FGF13: variants seen among roughly 807,000 people sequenced by gnomAD.
FGF13 encodes fibroblast growth factor 13.
FGF13 carries 2 observed loss-of-function variants against 19.5 expected under a neutral mutation model. The observed-to-expected ratio is 0.10, with a 90% CI of 0.04 to 0.32. FGF13 has a LOEUF of 0.32. Among genes scored for constraint, FGF13 ranks in the 10% least tolerant of loss-of-function variants. The pLI is 1.00. For synonymous variants in FGF13, 72 were observed against 76.9 expected, an observed-to-expected ratio of 0.94 and a Z score of 0.33; for missense variants, 113 against 192.7, an observed-to-expected ratio of 0.59 and a Z score of 2.45.
At chrX:138,678,902 T>C (rs2089700195) in intron 3 of FGF13, among the ~76,000 whole-genome samples, 2 of 112,185 alleles carry the variant, frequency 1.8e-5, no homozygotes, top group Non-Finnish European at 1.9e-5. Flanking sequence ...TTTTAGATTC[T>C]ACAACTACAT....
upstream of FGF13, chrX:138,716,424 C>T (rs2090102178): frequency 9.0e-6 from 1 of 110,968 alleles, no homozygotes; most frequent in Non-Finnish European, 1.9e-5. Context: ...AGAATAGGCT[C>T]TTTTCAGCCA....
intron 1 of FGF13, chrX:138,990,657 T>C (rs1187712208): frequency 9.0e-6 from 1 of 110,776 alleles, no homozygotes; most frequent in African/African-American, 3.3e-5. Context: ...ACCCATTCAG[T>C]ATCACCAGAA....
chrX:138,978,716 G>A (rs949378812), intron 1 of FGF13, among the ~76,000 whole-genome samples: 1 of 111,890 alleles, frequency 8.9e-6, no homozygotes, highest in Admixed American at 9.4e-5. Context: ...ATTTTACAGA[G>A]GGGGAAACTG....
chrX:138,844,028 T>C (rs2091166129), intron 3 of FGF13, among the ~76,000 whole-genome samples: 1 of 112,355 alleles, frequency 8.9e-6, no homozygotes, highest in Non-Finnish European at 1.9e-5. Flanking sequence ...GTATTTGTTC[T>C]TTTTAAACAC....
chrX:138,733,328 A>C (rs1209337273), intron 1 of FGF13, among the ~76,000 whole-genome samples: 1 of 112,018 alleles, frequency 8.9e-6, no homozygotes, highest in Admixed American at 9.5e-5. Flanking sequence ...TTAAGCATCA[A>C]AATAATAGCT....
intron 1 of FGF13, among the ~76,000 whole-genome samples, chrX:139,081,531 C>T (rs939272280): frequency 1.8e-5 from 2 of 111,938 alleles, no homozygotes; most frequent in African/African-American, 6.5e-5. Context: ...TTCCCTTGTA[C>T]TCCAATCCTG....
chrX:138,964,630 C>G (rs964191548), intron 1 of FGF13, among the ~76,000 whole-genome samples: 8 of 111,764 alleles, frequency 7.2e-5, no homozygotes, highest in African/African-American at 2.6e-4. Context: ...CACAGTTCTG[C>G]AGCTGTACAA....
chrX:138,716,876 C>T (rs1241400824), intron 1 of FGF13, among the ~76,000 whole-genome samples: 1 of 111,984 alleles, frequency 8.9e-6, no homozygotes, highest in Non-Finnish European at 1.9e-5. Flanking sequence ...TTGCATCACA[C>T]TAGGATGGTG....
chrX:138,661,887 A>G (rs2089494025), intron 3 of FGF13, among the ~76,000 whole-genome samples: 1 of 111,632 alleles, frequency 9.0e-6, no homozygotes, highest in Non-Finnish European at 1.9e-5. Context: ...ACTAAGTACT[A>G]TTTCTTTGAA....
chrX:139,165,254 A>T (rs769750596), intron 1 of FGF13, among the ~76,000 whole-genome samples: 1 of 112,532 alleles, frequency 8.9e-6, no homozygotes, highest in South Asian at 3.7e-4. Flanking sequence ...GAAATATCTA[A>T]GAAGCATAGC....
chrX:138,804,784 G>A (rs2090854168), intron 3 of FGF13, among the ~76,000 whole-genome samples: 1 of 112,082 alleles, frequency 8.9e-6, no homozygotes, highest in Non-Finnish European at 1.9e-5. Context: ...GTACTATGTT[G>A]TGGTAAACTT....
upstream of FGF13, among the ~76,000 whole-genome samples, chrX:138,715,565 A>T (rs1185970358): frequency 8.9e-6 from 1 of 112,413 alleles, no homozygotes; most frequent in Non-Finnish European, 1.9e-5. Context: ...AGATTCTGGT[A>T]CTAAAAACAA....
chrX:138,883,819 T>C (rs913577548), intron 1 of FGF13, among the ~76,000 whole-genome samples: 4 of 111,872 alleles, frequency 3.6e-5, no homozygotes, highest in African/African-American at 9.8e-5. Flanking sequence ...AGCAAATTAT[T>C]TGGAGAAAAC....
At chrX:138,895,764 A>G (rs1441418570) in intron 1 of FGF13, among the ~76,000 whole-genome samples, 1 of 112,252 alleles carries the variant, frequency 8.9e-6, no homozygotes, top group Non-Finnish European at 1.9e-5. Flanking sequence ...ATGTCCATCA[A>G]TGGATGAATA....
intron 3 of FGF13, among the ~76,000 whole-genome samples, chrX:138,794,946 T>C (rs752537826): frequency 8.9e-6 from 1 of 112,216 alleles, no homozygotes. Flanking sequence ...CCTGACATCT[T>C]ATAGTTTCTC....
chrX:138,865,671 A>T (rs2091319356), intron 1 of FGF13, among the ~76,000 whole-genome samples: 1 of 111,196 alleles, frequency 9.0e-6, no homozygotes, highest in African/African-American at 3.3e-5. Flanking sequence ...TTCCAGCCTC[A>T]CCCACCAAGG....
intron 3 of FGF13, among the ~76,000 whole-genome samples, chrX:138,796,161 G>A (rs778139868): frequency 2.0e-4 from 22 of 109,697 alleles, no homozygotes; most frequent in Non-Finnish European, 3.6e-4. Context: ...CTATCAATCC[G>A]TCATCTAGGT....
chrX:139,054,414 C>A (rs1022785471), intron 1 of FGF13, among the ~76,000 whole-genome samples: 1 of 111,180 alleles, frequency 9.0e-6, no homozygotes, highest in Admixed American at 9.5e-5. Flanking sequence ...TGAGCCACCG[C>A]GCCCGGCTGG....
chrX:138,901,919 G>T (rs1732305528), intron 1 of FGF13, among the ~76,000 whole-genome samples: 1 of 112,365 alleles, frequency 8.9e-6, no homozygotes, highest in African/African-American at 3.2e-5. Context: ...AATATTAAAA[G>T]AAATAATGGC....
Sources: gnomAD v4.1 joint callset for allele counts (sites outside exome capture counted in the v4.1 genomes callset) on GRCh38, gnomAD v4.1.1 for gene constraint, MANE v1.5 for transcripts, NCBI Gene and HGNC (gene_info 2026-07-23, HGNC 2026-07-21) for gene names.